SPECC1L: variants seen among roughly 807,000 people sequenced by gnomAD.
The protein encoded by SPECC1L is cytospin-A.
Under a neutral mutation model 116.8 loss-of-function variants are expected in SPECC1L, and 40 were observed. The ratio of observed to expected loss-of-function variants is 0.34; its 90% CI spans 0.27 to 0.45. The LOEUF (loss-of-function observed/expected upper bound fraction) is 0.45, where lower values mean the gene tolerates loss of function less well. SPECC1L is among the 20% of genes least tolerant of loss of function. The probability of loss-of-function intolerance (pLI) is 1.00; values close to 1 mark genes in which losing one functional copy is unlikely to be tolerated. For missense variants in SPECC1L, 1,110 were observed against 1,373.6 expected (o/e 0.81, Z 3.03); for synonymous variants, 504 against 500.6 (o/e 1.01, Z -0.09).
intron 10 of SPECC1L, among the ~76,000 whole-genome samples, chr22:24,342,802 G>C (rs533178390): frequency 1.3e-5 from 2 of 152,252 alleles, no homozygotes; most frequent in East Asian, 3.9e-4. Context: ...GCCCTGACTT[G>C]TGGGATGAAA....
At chr22:24,284,944 C>T (rs1179124411) in intron 2 of SPECC1L, among the ~76,000 whole-genome samples, 4 of 152,062 alleles carry the variant, frequency 2.6e-5, no homozygotes, top group Non-Finnish European at 5.9e-5. Context: ...CACATAGTCA[C>T]CAGGGACAAT....
intron 14 of SPECC1L, among the ~76,000 whole-genome samples, chr22:24,395,677 T>TC (rs1217347900): frequency 1.3e-5 from 2 of 152,120 alleles, no homozygotes; most frequent in African/African-American, 4.8e-5. Flanking sequence ...TTGCTCTGTC[T>TC]CCCAGGCTGG....
intron 5 of SPECC1L, 132 bp from the exon 6 acceptor site, chr22:24,324,088 A>G (rs1451404714): frequency 1.5e-5 from 11 of 736,680 alleles, no homozygotes; most frequent in Non-Finnish European, 2.6e-5. Context: ...AACAGTTATT[A>G]CACAGGTTGT....
intron 14 of SPECC1L, 138 bp downstream of exon 14, chr22:24,369,458 T>C (rs1027939416): frequency 9.7e-6 from 7 of 722,312 alleles, no homozygotes; most frequent in African/African-American, 7.0e-5. Flanking sequence ...TCCTAACACA[T>C]TGGGAGGCTG....
intron 14 of SPECC1L, among the ~76,000 whole-genome samples, chr22:24,406,821 G>A (rs1372325160): frequency 6.6e-6 from 1 of 152,218 alleles, no homozygotes; most frequent in Non-Finnish European, 1.5e-5. Flanking sequence ...CGTGCCTTCC[G>A]AGAACCCAGC....
chr22:24,310,584 G>A (rs2040443104), intron 3 of SPECC1L, among the ~76,000 whole-genome samples: 1 of 151,900 alleles, frequency 6.6e-6, no homozygotes, highest in African/African-American at 2.4e-5. Flanking sequence ...TATGAGTTAG[G>A]TTGATCATCA....
chr22:24,313,148 A>T (rs1378302226), intron 3 of SPECC1L, among the ~76,000 whole-genome samples, 165 bp from the exon 4 acceptor site: 1 of 152,228 alleles, frequency 6.6e-6, no homozygotes. Flanking sequence ...CCTATAAAGA[A>T]GTTCTGTTTC....
chr22:24,393,696 C>T (rs969419181), intron 14 of SPECC1L, among the ~76,000 whole-genome samples: 9 of 151,962 alleles, frequency 5.9e-5, no homozygotes, highest in Admixed American at 3.3e-4. Flanking sequence ...TAATAAATTG[C>T]GTATAAAGTT....
Position 24,276,609 on chromosome 22 carries a change from A to G in SPECC1L, c.-141-91A>G, listed in dbSNP as rs185589244. ...ATTGCAAGAGCCCAGTCTCAAAAAT[A>G]TTAGGTCAATAAGGTTTATTTTAAT... On this transcript the variant is annotated intron_variant, in intron 1 of 16. Coordinates refer to ENST00000314328, the MANE Select transcript of SPECC1L (RefSeq NM_015330.6). 8.3e-5 allele frequency: 27 copies of G among 324,480 alleles called. 1 individual carries two copies. The East Asian group carries it at 2.1e-3, about 25-fold the overall frequency. The allele number at this position is 324,480 out of a possible 1,614,324, so 20.1% of individuals were successfully genotyped here. A position where few individuals can be genotyped will look rare whatever the true frequency, so the allele number is the denominator to read the frequency against.
chr22:24,282,806 C>T (rs180994234), intron 2 of SPECC1L, among the ~76,000 whole-genome samples: 13 of 147,670 alleles, frequency 8.8e-5, no homozygotes, highest in East Asian at 3.9e-4. Flanking sequence ...AAGACGGGGT[C>T]GCACCCTGTC....
intron 2 of SPECC1L, among the ~76,000 whole-genome samples, chr22:24,282,132 G>A (rs771808884): frequency 6.6e-6 from 1 of 152,216 alleles, no homozygotes; most frequent in Non-Finnish European, 1.5e-5. Context: ...GATCAGATGA[G>A]CCAGTTAATC....
At chr22:24,347,239 T>C (rs2041315788) in intron 11 of SPECC1L, 63 bp downstream of exon 11, 1 of 1,279,440 alleles carries the variant, frequency 7.8e-7, no homozygotes, top group South Asian at 1.2e-5. Flanking sequence ...CTGGCTTTTT[T>C]GGCAAACTAA....
chr22:24,332,532 T>G (rs867641898), intron 8 of SPECC1L, among the ~76,000 whole-genome samples: 1 of 152,228 alleles, frequency 6.6e-6, no homozygotes, highest in South Asian at 2.1e-4. Context: ...GCTACAGTTA[T>G]CTAAAAGGCC....
intron 2 of SPECC1L, among the ~76,000 whole-genome samples, chr22:24,292,633 T>A (rs2053638342): frequency 6.6e-6 from 1 of 152,086 alleles, no homozygotes; most frequent in South Asian, 2.1e-4. Context: ...CTACTCACTG[T>A]ATGGGAGACC....
Position 24,321,795 on chromosome 22 carries a change from A to G in SPECC1L, c.815A>G (p.Asn272Ser). ...NENRMLKDRL[N>S]ALGFSLEQRL... ...AACAGAATGTTAAAGGACAGGTTGAATGCATTGGGCTTTTCCCTAGAGCAG... is the reference window on the plus strand; with the variant it reads ...AACAGAATGTTAAAGGACAGGTTGAGTGCATTGGGCTTTTCCCTAGAGCAG... The change falls in exon 5 of 17, where the codon AAT becomes AGT. Residue 272 changes from asparagine (N) to serine (S), a missense_variant. By Grantham distance (46) the Asn-to-Ser change is conservative. Around this residue, in one of 4 missense-constraint regions of SPECC1L, gnomAD observed 437 missense variants for 482.6 expected, o/e 0.91. Transcript: ENST00000314328. The G allele has an allele frequency of 1.9e-6, 3 of 1,614,272 alleles. No homozygotes were observed. Among genetic ancestry groups the G allele is most frequent in the African/African-American group, 2.7e-5 (2 of 75,072 alleles).
At chr22:24,350,248 A>G (rs969677663) in intron 11 of SPECC1L, among the ~76,000 whole-genome samples, 1 of 151,730 alleles carries the variant, frequency 6.6e-6, no homozygotes, top group Middle Eastern at 3.4e-3. Context: ...TCTCCTTATC[A>G]CTGGTCCCAT....
intron 4 of SPECC1L, 52 bp downstream of exon 4, chr22:24,313,518 C>T (rs1461896869): frequency 1.3e-6 from 2 of 1,588,538 alleles, no homozygotes. Flanking sequence ...TTTGAATGGG[C>T]ATGATGCATT....
chr22:24,363,220 G>A, intron 11 of SPECC1L, 41 bp from the exon 12 acceptor site: 2 of 1,533,246 alleles, frequency 1.3e-6, no homozygotes, highest in Non-Finnish European at 1.8e-6. Context: ...TTAAAGTTCA[G>A]CATCAGATTT....
At chr22:24,391,732 G>C (rs939068497) in intron 14 of SPECC1L, among the ~76,000 whole-genome samples, 1 of 152,242 alleles carries the variant, frequency 6.6e-6, no homozygotes, top group African/African-American at 2.4e-5. Context: ...TCACCAACTA[G>C]ATGGGCTACT....
Sources: allele counts gnomAD v4.1 joint callset (sites outside exome capture counted in the v4.1 genomes callset), GRCh38; gene constraint gnomAD v4.1.1; regional missense constraint gnomAD v4.1.1; transcripts MANE v1.5; gene names NCBI Gene and HGNC (gene_info 2026-07-23, HGNC 2026-07-21).